Variants in SLC25A24 observed in about 807,000 individuals in gnomAD.
The protein encoded by SLC25A24 is mitochondrial adenyl nucleotide antiporter SLC25A24.
SLC25A24 carries 49 observed loss-of-function variants against 60.7 expected under a neutral mutation model. The ratio of observed to expected loss-of-function variants is 0.81; its 90% CI spans 0.64 to 1.02. The LOEUF (loss-of-function observed/expected upper bound fraction) is 1.02. Ranked by LOEUF, SLC25A24 falls within the 50% of genes least tolerant of loss-of-function variation. SLC25A24 has a pLI of 0.00. For missense variants in SLC25A24, 564 were observed against 586.3 expected (o/e 0.96, Z 0.39); for synonymous variants, 202 against 200.6 (o/e 1.01, Z -0.06).
intron 1 of SLC25A24, chr1:108,192,797 G>A: frequency 7.8e-7 from 1 of 1,286,720 alleles, no homozygotes; most frequent in Non-Finnish European, 9.9e-7. Flanking sequence ...TCTGGAAGGA[G>A]AGGGCTCATC....
chr1:108,149,005 TGC>T (rs1197918314), intron 6 of SLC25A24, among the ~76,000 whole-genome samples: 2 of 152,202 alleles, frequency 1.3e-5, no homozygotes, highest in African/African-American at 2.4e-5. Flanking sequence ...GTTGCTCCTT[TGC>T]TGAAACAGCA....
chr1:108,166,656 A>G (rs1386375098), intron 3 of SLC25A24, among the ~76,000 whole-genome samples: 3 of 151,762 alleles, frequency 2.0e-5, no homozygotes, highest in African/African-American at 7.3e-5. Flanking sequence ...AGCTCCTTTA[A>G]GCACTTCTCT....
At chr1:108,139,758 C>A (rs1244076944) in intron 8 of SLC25A24, among the ~76,000 whole-genome samples, 1 of 152,000 alleles carries the variant, frequency 6.6e-6, no homozygotes, top group East Asian at 1.9e-4. Flanking sequence ...ATTACAGGCA[C>A]CCACCACCAC....
At chr1:108,159,530 T>A (rs1033059367) in intron 4 of SLC25A24, among the ~76,000 whole-genome samples, 1 of 144,874 alleles carries the variant, frequency 6.9e-6, no homozygotes, top group Non-Finnish European at 1.5e-5. Flanking sequence ...TTTGGCAGGG[T>A]CACAGGACAA....
intron 7 of SLC25A24, among the ~76,000 whole-genome samples, chr1:108,145,138 T>C (rs979299985): frequency 6.6e-6 from 1 of 152,182 alleles, no homozygotes; most frequent in Non-Finnish European, 1.5e-5. Flanking sequence ...GGTATGCCAT[T>C]GTGGTTTTGA....
chr1:108,157,431 G>A (rs755479173), intron 5 of SLC25A24, 31 bp downstream of exon 5: 3 of 1,568,378 alleles, frequency 1.9e-6, no homozygotes, highest in Admixed American at 3.6e-5. Flanking sequence ...AATATTTAGG[G>A]CAAACCTGGA....
At chr1:108,156,285 A>G (rs1326573270) in intron 5 of SLC25A24, among the ~76,000 whole-genome samples, 1 of 152,236 alleles carries the variant, frequency 6.6e-6, no homozygotes, top group African/African-American at 2.4e-5. Flanking sequence ...CTTTCTAGAG[A>G]AGTATCAAAC....
At chr1:108,177,511 A>C (rs1466757444) in intron 3 of SLC25A24, among the ~76,000 whole-genome samples, 1 of 152,182 alleles carries the variant, frequency 6.6e-6, no homozygotes, top group Non-Finnish European at 1.5e-5. Context: ...TATGCTGCCC[A>C]TGACAGACTC....
intron 1 of SLC25A24, among the ~76,000 whole-genome samples, chr1:108,197,178 C>G (rs1648522060): frequency 6.6e-6 from 1 of 152,130 alleles, no homozygotes; most frequent in African/African-American, 2.4e-5. Context: ...ATTCTTTTCT[C>G]TTCCCTGGAT....
chr1:108,176,690 G>A (rs1373662629), intron 3 of SLC25A24, among the ~76,000 whole-genome samples: 1 of 152,180 alleles, frequency 6.6e-6, no homozygotes, highest in East Asian at 1.9e-4. Flanking sequence ...CTGGTCAGCA[G>A]AGACCTAACA....
rs77775019 is a variant in SLC25A24 at position 108,191,698 on chromosome 1, C to G, written c.184-5744G>C. Among the ~76,000 whole-genome samples the G allele has an allele frequency of 8.3e-3, 1,165 of 139,778 alleles. 107 individuals are homozygous for G. Among genetic ancestry groups the G allele is most frequent in the African/African-American group, 0.028 (1,111 of 40,258 alleles). 91.7% of individuals were successfully genotyped at this position (139,778 alleles called of 152,430 possible). A position where few individuals can be genotyped will look rare whatever the true frequency, so the allele number is the denominator to read the frequency against. ...AGAGTTTTACTAAATTTCAACATGA[C>G]AGAACTCAACTGACAGTTTTTTGGG... On this transcript the variant is annotated intron_variant, in intron 1 of 9. Transcript: ENST00000565488.
intron 1 of SLC25A24, among the ~76,000 whole-genome samples, chr1:108,197,081 T>C (rs1363354414): frequency 2.0e-5 from 3 of 149,794 alleles, no homozygotes; most frequent in Non-Finnish European, 4.4e-5. Flanking sequence ...ATTTGGAACA[T>C]ACAGAAAAGA....
chr1:108,190,124 C>G (rs1206767207), intron 1 of SLC25A24, among the ~76,000 whole-genome samples: 1 of 152,116 alleles, frequency 6.6e-6, no homozygotes, highest in Admixed American at 6.5e-5. Flanking sequence ...GACACCCTCA[C>G]TTGTGTATTG....
Position 108,185,827 on chromosome 1 carries a change from C to A in SLC25A24, c.310+1G>T, listed in dbSNP as rs1300076597. The A allele has an allele frequency of 6.3e-7, 1 of 1,583,298 alleles. No individual in the cohort carries two copies. The highest frequency in any genetic ancestry group is 1.4e-5 in the African/African-American group (1 of 74,054). The stretch of plus-strand genomic sequence containing the variant: ...GTGATAAATACAAAAGAAAGACACA[C>A]CATCATTATTTTTGTCTAAACTCTT... On this transcript the variant is annotated splice_donor_variant, in intron 2 of 9. Coordinates refer to ENST00000565488, the MANE Select transcript of SLC25A24 (RefSeq NM_013386.5). LOFTEE classifies it high-confidence loss of function.
At chr1:108,172,911 G>GTAA (rs549034051) in intron 3 of SLC25A24, among the ~76,000 whole-genome samples, 64 of 151,582 alleles carry the variant, frequency 4.2e-4, no homozygotes, top group African/African-American at 9.9e-4. Flanking sequence ...ATAAACACTA[G>GTAA]TAATAATAAT....
chr1:108,138,195 G>GA (rs1487883601), intron 9 of SLC25A24, among the ~76,000 whole-genome samples: 1 of 152,156 alleles, frequency 6.6e-6, no homozygotes, highest in Non-Finnish European at 1.5e-5. Context: ...CTACACTGGC[G>GA]GGGCCACACC....
intron 7 of SLC25A24, among the ~76,000 whole-genome samples, chr1:108,147,343 A>C (rs1338101394): frequency 6.6e-6 from 1 of 151,944 alleles, no homozygotes; most frequent in Non-Finnish European, 1.5e-5. Flanking sequence ...CTATTTTGTT[A>C]AACTTTTCAT....
intron 1 of SLC25A24, chr1:108,199,424 G>A (rs1648593089): frequency 6.3e-6 from 1 of 158,022 alleles, no homozygotes; most frequent in African/African-American, 2.4e-5. Flanking sequence ...ACCTAGGAAT[G>A]TCTTAAACAA....
At chr1:108,197,894 G>A (rs916880233) in intron 1 of SLC25A24, among the ~76,000 whole-genome samples, 1 of 152,212 alleles carries the variant, frequency 6.6e-6, no homozygotes, top group African/African-American at 2.4e-5. Flanking sequence ...GGGTTACGGA[G>A]GCAGATCCCT....
Sources: gnomAD v4.1 joint callset for allele counts (sites outside exome capture counted in the v4.1 genomes callset) on GRCh38, gnomAD v4.1.1 for gene constraint, MANE v1.5 for transcripts, NCBI Gene and HGNC (gene_info 2026-07-23, HGNC 2026-07-21) for gene names.